The following SEC31B variants were observed in gnomAD, a reference collection of about 807,000 sequenced individuals.
SEC31B encodes the protein SEC31 homolog B, COPII component.
A neutral mutation model predicts 135.0 loss-of-function variants in SEC31B; 113 were observed. The ratio of observed to expected loss-of-function variants is 0.84; its 90% confidence interval spans 0.72 to 0.98. The LOEUF is 0.98. Ranked by LOEUF, SEC31B falls within the 50% of genes least tolerant of loss-of-function variation. The probability of loss-of-function intolerance (pLI) is 0.00; values close to 1 mark genes in which losing one functional copy is unlikely to be tolerated. For missense variants in SEC31B, 1,296 were observed against 1,421.1 expected (o/e 0.91, Z 1.42); for synonymous variants, 508 against 549.4 (o/e 0.92, Z 1.05).
At chr10:100,513,401 A>C (rs1851769339) in intron 3 of SEC31B, among the ~76,000 whole-genome samples, 1 of 152,196 alleles carries the variant, frequency 6.6e-6, no homozygotes, top group Non-Finnish European at 1.5e-5. Context: ...AAAACCCTTA[A>C]GACACTAAGA....
intron 19 of SEC31B, among the ~76,000 whole-genome samples, chr10:100,491,963 T>C (rs1180255390): frequency 6.6e-6 from 1 of 152,240 alleles, no homozygotes; most frequent in Non-Finnish European, 1.5e-5. Context: ...GAACCGTACC[T>C]GCTGGAACCA....
intron 17 of SEC31B, 58 bp from the exon 18 acceptor site, chr10:100,496,489 G>A: frequency 6.4e-7 from 1 of 1,573,402 alleles, no homozygotes; most frequent in Non-Finnish European, 8.7e-7. Context: ...TGCTCTCTAA[G>A]TCCACGCAGC....
intron 3 of SEC31B, among the ~76,000 whole-genome samples, chr10:100,512,076 A>C (rs371235011): frequency 2.6e-5 from 4 of 152,192 alleles, no homozygotes; most frequent in African/African-American, 9.6e-5. Flanking sequence ...AAACTGAGAG[A>C]AGTACACAAA....
chr10:100,488,960 T>TG lies in SEC31B; in HGVS notation c.3185dup (p.Pro1063ThrfsTer2). 1 of 1,606,658 alleles carries TG rather than the reference T, an allele frequency of 6.2e-7. No individual in the cohort carries two copies. Among genetic ancestry groups the TG allele is most frequent in the Non-Finnish European group, 8.5e-7 (1 of 1,177,356 alleles). ...GCTCCTTCCTTTCCATCTTCTCAGG[T>TG]GGCAGGTGCTGAAGCTGCTGATAAA... is the stretch of plus-strand genomic sequence containing the variant. On this transcript the variant is annotated frameshift_variant, in exon 24 of 26. Coordinates refer to ENST00000370345, the MANE Select transcript of SEC31B (RefSeq NM_015490.4). LOFTEE classifies it high-confidence loss of function.
At chr10:100,511,935 T>C (rs1468126926) in intron 3 of SEC31B, among the ~76,000 whole-genome samples, 1 of 152,224 alleles carries the variant, frequency 6.6e-6, no homozygotes, top group Non-Finnish European at 1.5e-5. Context: ...AAAAAAAGGT[T>C]CAGAGAAGTT....
intron 3 of SEC31B, among the ~76,000 whole-genome samples, chr10:100,513,474 T>C (rs896203040): frequency 1.3e-5 from 2 of 152,098 alleles, no homozygotes; most frequent in African/African-American, 2.4e-5. Flanking sequence ...TCTTCTTCTT[T>C]TTCTTTTTTT....
chr10:100,509,170 A>G, intron 4 of SEC31B, 68 bp from the exon 5 acceptor site: 5 of 1,564,580 alleles, frequency 3.2e-6, no homozygotes, highest in Non-Finnish European at 4.4e-6. Context: ...AGGAGGAAAG[A>G]AGCCCAAATT....
rs749733612 is a variant in SEC31B at position 100,498,748 on chromosome 10, C to CAGCT, written c.1637_1640dup (p.Val548AlafsTer18). On this transcript the variant is annotated frameshift_variant, in exon 14 of 26. Transcript: ENST00000370345. LOFTEE classifies it high-confidence loss of function. ...CCCAAGGAGTCATGTTCTGAGGGAC[C>CAGCT]AGCTCATCAAAGAAGGCTGAGGAAG... The CAGCT allele has an allele frequency of 1.2e-6, 2 of 1,613,742 alleles. No homozygotes were observed.
intron 2 of SEC31B, 25 bp from the exon 3 acceptor site, chr10:100,516,244 T>C (rs1851842342): frequency 1.2e-6 from 2 of 1,610,664 alleles, no homozygotes; most frequent in African/African-American, 2.7e-5. Context: ...AGGCAGCATA[T>C]GAGCAACAAT....
intron 3 of SEC31B, 93 bp downstream of exon 3, chr10:100,516,003 C>T (rs1297090943): frequency 2.1e-6 from 3 of 1,451,204 alleles, no homozygotes; most frequent in Non-Finnish European, 2.8e-6. Flanking sequence ...TCTTCCCTCA[C>T]TTGGCTCCTC....
Position 100,490,209 on chromosome 10 carries a change from T to G in SEC31B, c.2764A>C (p.Ile922Leu). 1 of 1,611,910 alleles carries G rather than the reference T, an allele frequency of 6.2e-7. No individual in the cohort carries two copies. Among genetic ancestry groups the G allele is most frequent in the Non-Finnish European group, 8.5e-7 (1 of 1,178,952 alleles). ...AGGGAGGTAGAGCCAGGTCGCATGA[T>G]GCCTGGGCATGCCATGGGTAGAGGG... ...GSPLPMACPGIMRPGSTSLPE... is the reference protein window; with the variant it reads ...GSPLPMACPGLMRPGSTSLPE... Residue 922 changes from isoleucine (I) to leucine (L), a missense_variant, in exon 21 of 26, where the codon ATC becomes CTC. Transcript: ENST00000370345.
chr10:100,498,780 C>T lies in SEC31B; in HGVS notation c.1609G>A (p.Ala537Thr), dbSNP rs763347664. 1.2e-6 allele frequency: 2 copies of T among 1,613,740 alleles called. No homozygotes were observed. Among genetic ancestry groups the T allele is most frequent in the East Asian group, 2.2e-5 (1 of 44,870 alleles). Residue 537 changes from alanine to threonine, a missense_variant, in exon 14 of 26, where the codon GCC becomes ACC. Transcript: ENST00000370345. The part of the protein sequence containing the change: ...SQASKHTTKE[A>T]SASSAFFDEL... Reference sequence around the variant, plus strand: ...TCAAAGAAGGCTGAGGAAGCAGAGGCTTCCTTTGTGGTGTGTTTGGAGGCC... The same window carrying T: ...TCAAAGAAGGCTGAGGAAGCAGAGGTTTCCTTTGTGGTGTGTTTGGAGGCC...
Position 100,507,909 on chromosome 10 carries a change from C to T in SEC31B, c.638G>A (p.Arg213Lys), listed in dbSNP as rs746871298. Residue 213 changes from arginine to lysine, a missense_variant and splice_region_variant, in exon 6 of 26, where the codon AGG becomes AAG. Arg to Lys is a conservative substitution (Grantham distance 26, BLOSUM62 2). Coordinates refer to ENST00000370345, the MANE Select transcript of SEC31B (RefSeq NM_015490.4). ...PIIKVSDHSNRMHCSGLAWHP... is the reference protein window; with the variant it reads ...PIIKVSDHSNKMHCSGLAWHP... ...TGTGTTCTGGCCTCCAATACTCACCCTGTTGCTGTGATCACTGACTTTGAT... is the reference window on the plus strand; with the variant it reads ...TGTGTTCTGGCCTCCAATACTCACCTTGTTGCTGTGATCACTGACTTTGAT... 1 of 1,614,106 alleles carries T rather than the reference C, an allele frequency of 6.2e-7. No homozygotes were observed. Among genetic ancestry groups the T allele is most frequent in the African/African-American group, 1.3e-5 (1 of 74,940 alleles).
At chr10:100,508,428 C>A (rs991045305) in intron 5 of SEC31B, 7 of 483,058 alleles carry the variant, frequency 1.4e-5, no homozygotes, top group Admixed American at 6.9e-5. Flanking sequence ...AGAGAAAAAC[C>A]ACAAGATGCT....
chr10:100,515,719 G>C (rs911625385), intron 3 of SEC31B, among the ~76,000 whole-genome samples: 6 of 152,212 alleles, frequency 3.9e-5, no homozygotes, highest in African/African-American at 1.4e-4. Flanking sequence ...GCAATAAGGA[G>C]AGGATCATTC....
intron 12 of SEC31B, 82 bp downstream of exon 12, chr10:100,499,442 G>GATAC: frequency 8.3e-7 from 1 of 1,201,784 alleles, no homozygotes; most frequent in East Asian, 2.3e-5. Flanking sequence ...GCCAGGAAGA[G>GATAC]GTATTCTGAG....
At position 100,492,742 on chromosome 10, in the gene SEC31B, T is replaced by C. The variant is rs556809028; in HGVS notation, c.2473-1859A>G. Among the ~76,000 whole-genome samples, 18 of 152,276 alleles carry C rather than the reference T, an allele frequency of 1.2e-4. No individual in the cohort carries two copies. The East Asian group carries it at 2.1e-3, about 18-fold the overall frequency. On this transcript the variant is annotated intron_variant, in intron 19 of 25. Transcript: ENST00000370345. ...ATATAACCAGATCAACACATAAAAATCAACTGCATTTCTATATACTCACAA... is the reference window on the plus strand; with the variant it reads ...ATATAACCAGATCAACACATAAAAACCAACTGCATTTCTATATACTCACAA...
Position 100,488,951 on chromosome 10 carries a change from C to G in SEC31B, c.3195G>C (p.Lys1065Asn), listed in dbSNP as rs1403214327. The G allele has an allele frequency of 1.2e-6, 2 of 1,610,438 alleles. No individual in the cohort carries two copies. The highest frequency in any genetic ancestry group is 1.7e-6 in the Non-Finnish European group (2 of 1,178,756). ...CTGGGGGCAGCTCCTTCCTTTCCAT[C>G]TTCTCAGGTGGCAGGTGCTGAAGCT... is the stretch of plus-strand genomic sequence containing the variant. Reference protein sequence around the residue: ...SLQLQHLPPEKMERKELPPEH... With the variant: ...SLQLQHLPPENMERKELPPEH... The change falls in exon 24 of 26, where the codon AAG (lysine) becomes AAC (asparagine). Residue 1065 changes from lysine to asparagine, a missense_variant. Lys to Asn is a moderately conservative substitution (Grantham distance 94). Transcript: ENST00000370345.
In SEC31B at chr10:100,487,643, G is replaced by T; in HGVS notation, c.3513C>A (p.Leu1171=). The change falls in exon 26 of 26, where the codon CTC becomes CTA. Residue 1171 remains leucine, a synonymous_variant. Coordinates refer to ENST00000370345, the MANE Select transcript of SEC31B (RefSeq NM_015490.4). ...SSFMPILKAV[L]IIAHKLLV ...AGACCAGCAGCTTATGAGCGATGAT[G>T]AGGACAGCCTTCAGGATAGGCATGA... is the stretch of plus-strand genomic sequence containing the variant. 1.9e-6 allele frequency: 3 copies of T among 1,613,462 alleles called. No homozygotes were observed. The highest frequency in any genetic ancestry group is 2.5e-6 in the Non-Finnish European group (3 of 1,179,732).
Sources: allele counts gnomAD v4.1 joint callset (sites outside exome capture counted in the v4.1 genomes callset), GRCh38; gene constraint gnomAD v4.1.1; transcripts MANE v1.5; gene names NCBI Gene and HGNC (gene_info 2026-07-23, HGNC 2026-07-21).